DNAH9: variants seen among roughly 807,000 people sequenced by gnomAD.
The protein encoded by DNAH9 is DNAH9 variant protein.
DNAH9 carries 345 observed loss-of-function variants against 471.6 expected under a neutral mutation model. That is an observed-to-expected ratio of 0.73 (90% CI 0.67 to 0.80). The LOEUF is 0.80. Among genes scored for constraint, DNAH9 ranks in the 30% least tolerant of loss-of-function variants. The pLI is 0.00. For synonymous variants in DNAH9, 2,093 were observed against 2,123.6 expected (o/e 0.99, Z 0.40); for missense variants, 5,407 against 5,609.2 (o/e 0.96, Z 1.15).
chr17:11,650,585 C>T (rs954420188), intron 12 of DNAH9, among the ~76,000 whole-genome samples: 4 of 152,328 alleles, frequency 2.6e-5, no homozygotes, highest in Admixed American at 6.5e-5. Context: ...TTATTATGGG[C>T]ACCTCCTCTC....
rs1050052299 is a variant in DNAH9, at chr17:11,892,092, G to T, written c.11283+145G>T. ...TTGGATAGAGGCATCAGACAAGAAG[G>T]TCCAATGTGGTGTGTGCATCTGCCC... is the stretch of plus-strand genomic sequence containing the variant. On this transcript the variant is annotated intron_variant, in intron 58 of 68. Transcript: ENST00000262442. This position sits in a 1 kb window ranked among gnomAD's most constrained non-coding sequence, Gnocchi z 4.3. The T allele has an allele frequency of 1.1e-5, 10 of 927,974 alleles. No homozygotes were observed. The highest frequency in any genetic ancestry group is 2.2e-4 in the Middle Eastern group (1 of 4,482). 57.5% of individuals were successfully genotyped at this position (927,974 alleles called of 1,614,324 possible). A position where few individuals can be genotyped will look rare whatever the true frequency, so the allele number is the denominator to read the frequency against.
At chr17:11,707,595 G>T (rs985497174) in intron 26 of DNAH9, among the ~76,000 whole-genome samples, 1 of 150,564 alleles carries the variant, frequency 6.6e-6, no homozygotes, top group Non-Finnish European at 1.5e-5. Flanking sequence ...AGGAGAGTCC[G>T]ACTCGAACTG....
At position 11,629,510 on chromosome 17, in the gene DNAH9, A is replaced by G. The variant is rs2073028550; in HGVS notation, c.1444A>G (p.Met482Val). 1 of 1,614,014 alleles carries G rather than the reference A, an allele frequency of 6.2e-7. No individual in the cohort carries two copies. Among genetic ancestry groups the G allele is most frequent in the Non-Finnish European group, 8.5e-7 (1 of 1,180,018 alleles). ...TGCTCTGAGTCAGCAGGTCCAGCAAATGCATGAAGAATTTCAAGAGATGTA... is the reference window on the plus strand; with the variant it reads ...TGCTCTGAGTCAGCAGGTCCAGCAAGTGCATGAAGAATTTCAAGAGATGTA... ...GNALSQQVQQ[M>V]HEEFQEMYRL... The change falls in exon 7 of 69, where the codon ATG becomes GTG. Residue 482 changes from methionine to valine, a missense_variant. Transcript: ENST00000262442.
intron 34 of DNAH9, among the ~76,000 whole-genome samples, chr17:11,757,057 A>C (rs184366242): frequency 2.0e-3 from 298 of 152,282 alleles, no homozygotes; most frequent in African/African-American, 6.9e-3. Context: ...TTGTGTGGCA[A>C]AATCAAACTT....
intron 17 of DNAH9, among the ~76,000 whole-genome samples, chr17:11,673,323 A>G (rs2074000133): frequency 6.6e-6 from 1 of 152,220 alleles, no homozygotes; most frequent in Non-Finnish European, 1.5e-5. Flanking sequence ...GAAGCTGGAT[A>G]TTCAACCACC....
intron 61 of DNAH9, among the ~76,000 whole-genome samples, chr17:11,920,139 C>T (rs1336241235): frequency 1.3e-5 from 2 of 151,290 alleles, no homozygotes; most frequent in African/African-American, 2.4e-5. Flanking sequence ...CAGGTTCAAG[C>T]GATTCTCCTG....
intron 45 of DNAH9, among the ~76,000 whole-genome samples, chr17:11,820,150 A>C (rs1191098393): frequency 6.6e-6 from 1 of 152,168 alleles, no homozygotes; most frequent in Admixed American, 6.5e-5. Context: ...AACCTTATGC[A>C]TCCATTTCAA....
intron 35 of DNAH9, among the ~76,000 whole-genome samples, chr17:11,758,370 C>CT (rs753431828): frequency 9.2e-5 from 14 of 152,174 alleles, no homozygotes; most frequent in Admixed American, 2.0e-4. Context: ...GTTTTACACT[C>CT]TTTTTATGGT....
chr17:11,647,610 C>T (rs548031562), intron 12 of DNAH9, among the ~76,000 whole-genome samples: 1 of 152,306 alleles, frequency 6.6e-6, no homozygotes, highest in African/African-American at 2.4e-5. Flanking sequence ...ACATAGCCCA[C>T]TGGGCCTACC....
At chr17:11,825,591 A>G (rs142718047) in intron 48 of DNAH9, among the ~76,000 whole-genome samples, 134 of 152,360 alleles carry the variant, frequency 8.8e-4, no homozygotes, top group African/African-American at 2.9e-3. Context: ...ATGCCTGGCT[A>G]TACCATTAGG....
In DNAH9 at chr17:11,757,426, CCTTTT is replaced by C. The variant is rs1173696707; in HGVS notation, c.6848-112_6848-108del. On this transcript the variant is annotated intron_variant, in intron 34 of 68. Transcript: ENST00000262442. ...ACCCGCTCACATCTTGGCCAAATCT[CCTTTT>C]CTTTTCAGTCCAGTCTTCTGTACAT... 4 of 958,248 alleles carry C rather than the reference CCTTTT, an allele frequency of 4.2e-6. No individual in the cohort carries two copies. The East Asian group carries it at 7.6e-5, about 18-fold the overall frequency. The allele number at this position is 958,248 out of a possible 1,614,324, so 59.4% of individuals were successfully genotyped here.
chr17:11,935,821 T>G (rs1974694256), intron 65 of DNAH9, among the ~76,000 whole-genome samples: 1 of 152,050 alleles, frequency 6.6e-6, no homozygotes, highest in Admixed American at 6.6e-5. Flanking sequence ...AACTTAAGGG[T>G]AAATCGTAAA....
intron 28 of DNAH9, among the ~76,000 whole-genome samples, chr17:11,731,214 G>A (rs1386783993): frequency 1.3e-5 from 2 of 151,962 alleles, no homozygotes; most frequent in Admixed American, 1.3e-4. Flanking sequence ...TGAGAATGAT[G>A]GGGATGGTGG....
At chr17:11,672,562 C>T (rs1341993559) in intron 17 of DNAH9, among the ~76,000 whole-genome samples, 1 of 152,216 alleles carries the variant, frequency 6.6e-6, no homozygotes, top group Non-Finnish European at 1.5e-5. Flanking sequence ...ATACCAACTG[C>T]ACTCTGCCTT....
chr17:11,785,072 G>C (rs576329277), intron 41 of DNAH9, among the ~76,000 whole-genome samples: 107 of 152,174 alleles, frequency 7.0e-4, no homozygotes, highest in African/African-American at 2.5e-3. Context: ...AGCTGTTTCA[G>C]ATCTTTCCAA....
intron 6 of DNAH9, 132 bp downstream of exon 6, chr17:11,619,913 T>C: frequency 1.6e-6 from 1 of 629,254 alleles, no homozygotes; most frequent in East Asian, 2.7e-5. Flanking sequence ...TAATCCATAA[T>C]AAAGGTTCAA....
chr17:11,608,416 C>A, intron 2 of DNAH9, 91 bp downstream of exon 2: 1 of 965,876 alleles, frequency 1.0e-6, no homozygotes, highest in Non-Finnish European at 1.6e-6. Flanking sequence ...CTGTTCCTGA[C>A]TCTGCACATC....
intron 14 of DNAH9, among the ~76,000 whole-genome samples, chr17:11,659,104 C>A (rs2073706741): frequency 6.6e-6 from 1 of 151,458 alleles, no homozygotes; most frequent in Admixed American, 6.6e-5. Flanking sequence ...CCAGGGAATA[C>A]TTCTGGATAT....
At chr17:11,609,192 A>G (rs1308626594) in intron 2 of DNAH9, among the ~76,000 whole-genome samples, 1 of 152,200 alleles carries the variant, frequency 6.6e-6, no homozygotes, top group Non-Finnish European at 1.5e-5. Context: ...TAAGTAACGC[A>G]TGCAACAGAT....
Sources: gnomAD v4.1 joint callset for allele counts (sites outside exome capture counted in the v4.1 genomes callset) on GRCh38, gnomAD v4.1.1 for gene constraint, Gnocchi (gnomAD v3.1) non-coding constraint, MANE v1.5 for transcripts, NCBI Gene and HGNC (gene_info 2026-07-23, HGNC 2026-07-21) for gene names.